CCDC146: variants seen among roughly 807,000 people sequenced by gnomAD.
CCDC146 encodes the protein coiled-coil domain containing 146.
A neutral mutation model predicts 119.3 loss-of-function variants in CCDC146; 92 were observed. The observed-to-expected ratio is 0.77, with a 90% confidence interval of 0.65 to 0.92. CCDC146 has a LOEUF of 0.92. Ranked by LOEUF, CCDC146 falls within the 40% of genes least tolerant of loss-of-function variation. CCDC146 has a pLI of 0.00. For synonymous variants in CCDC146, 372 were observed against 371.8 expected, an observed-to-expected ratio of 1.00 and a Z score of -0.01; for missense variants, 1,000 against 1,103.0, an observed-to-expected ratio of 0.91 and a Z score of 1.32.
intron 2 of CCDC146, among the ~76,000 whole-genome samples, chr7:77,233,069 A>C (rs932988476): frequency 1.3e-5 from 2 of 150,220 alleles, no homozygotes; most frequent in Non-Finnish European, 3.0e-5. Flanking sequence ...CAGTTAAATC[A>C]ATGCTTCTTT....
intron 1 of CCDC146, among the ~76,000 whole-genome samples, chr7:77,145,511 G>C (rs915282830): frequency 6.6e-6 from 1 of 150,856 alleles, no homozygotes; most frequent in Non-Finnish European, 1.5e-5. Context: ...TGTGATGTTA[G>C]GGTGTCAGTT....
intron 1 of CCDC146, 102 bp from the exon 2 acceptor site, chr7:77,167,556 A>G (rs1198666825): frequency 2.3e-6 from 2 of 882,832 alleles, no homozygotes; most frequent in African/African-American, 3.5e-5. Flanking sequence ...ATTGAACAAT[A>G]GCTTATTCCA....
intron 2 of CCDC146, chr7:77,199,512 T>C (rs1352255908): frequency 1.9e-6 from 3 of 1,614,160 alleles, no homozygotes; most frequent in Non-Finnish European, 2.5e-6. Context: ...CTTGGCAAGA[T>C]TTCTTTAGAC....
chr7:77,244,708 A>G (rs1792914745), intron 4 of CCDC146, among the ~76,000 whole-genome samples: 1 of 152,228 alleles, frequency 6.6e-6, no homozygotes, highest in Non-Finnish European at 1.5e-5. Context: ...GAAGTTGCCT[A>G]ACGACGCGTC....
At chr7:77,217,875 T>C (rs554183955) in intron 2 of CCDC146, among the ~76,000 whole-genome samples, 1 of 152,176 alleles carries the variant, frequency 6.6e-6, no homozygotes, top group African/African-American at 2.4e-5. Context: ...AGTAAAAATA[T>C]AATAGAAAAG....
Position 77,233,515 on chromosome 7 carries a change from C to A in CCDC146, c.157-3432C>A, listed in dbSNP as rs1011086575. ...TTACTTATTTGCTTTAAATCAGCAG[C>A]CCCCCAACCTTTTTGACACCAGGGA... On this transcript the variant is annotated intron_variant, in intron 2 of 18. Transcript: ENST00000285871. 0.038 allele frequency among the ~76,000 whole-genome samples: 38 copies of A among 998 alleles called. No individual in the cohort carries two copies. The African/African-American group carries it at 0.42, about 11-fold the overall frequency. The allele number at this position is 998 out of a possible 152,430, so 0.7% of individuals were successfully genotyped here.
At chr7:77,168,813 T>C (rs2117487546) in intron 2 of CCDC146, among the ~76,000 whole-genome samples, 1 of 152,242 alleles carries the variant, frequency 6.6e-6, no homozygotes, top group South Asian at 2.1e-4. Flanking sequence ...TCCTTTTTTT[T>C]CTATCTTCTT....
chr7:77,187,032 T>C (rs1009335064), intron 2 of CCDC146, among the ~76,000 whole-genome samples: 1 of 152,196 alleles, frequency 6.6e-6, no homozygotes, highest in Admixed American at 6.5e-5. Context: ...AGGTTACTGT[T>C]CATCCACAAG....
chr7:77,175,612 G>C lies in CCDC146; in HGVS notation c.156+7788G>C, dbSNP rs558854259. Among the ~76,000 whole-genome samples the C allele has an allele frequency of 4.0e-5, 6 of 151,434 alleles. 1 individual carries two copies. In the East Asian group the frequency reaches 1.2e-3, roughly 30 times the overall value. ...TACAAAATATGTAATAGCAGCATTT[G>C]TGTCCAAGTTTCAGTTGCATGTCAG... On this transcript the variant is annotated intron_variant, in intron 2 of 18. Transcript: ENST00000285871.
At chr7:77,270,691 A>C (rs953414950) in intron 9 of CCDC146, among the ~76,000 whole-genome samples, 2 of 152,186 alleles carry the variant, frequency 1.3e-5, no homozygotes, top group Non-Finnish European at 2.9e-5. Flanking sequence ...CTAAATAGGG[A>C]GTTGTTTTAC....
chr7:77,287,606 C>T (rs758448602), intron 17 of CCDC146, 29 bp downstream of exon 17: 7 of 1,603,858 alleles, frequency 4.4e-6, no homozygotes, highest in South Asian at 2.2e-5. Context: ...CTTTTCCCTT[C>T]TGCCCCTGCT....
At chr7:77,212,472 A>G (rs1334609754) in intron 2 of CCDC146, among the ~76,000 whole-genome samples, 1 of 151,686 alleles carries the variant, frequency 6.6e-6, no homozygotes, top group Non-Finnish European at 1.5e-5. Context: ...ATACAAAAAA[A>G]CAGCCGAGTG....
intron 15 of CCDC146, among the ~76,000 whole-genome samples, chr7:77,284,231 A>G (rs1793810608): frequency 6.6e-6 from 1 of 152,106 alleles, no homozygotes; most frequent in African/African-American, 2.4e-5. Context: ...CAGAAATGCA[A>G]AGCACTTCAA....
At chr7:77,251,354 C>T (rs1410830562) in intron 4 of CCDC146, among the ~76,000 whole-genome samples, 1 of 152,034 alleles carries the variant, frequency 6.6e-6, no homozygotes, top group Non-Finnish European at 1.5e-5. Flanking sequence ...CTTAGAATTT[C>T]CTTCTCTCTA....
At chr7:77,256,734 C>A (rs577081197) in intron 6 of CCDC146, among the ~76,000 whole-genome samples, 1 of 152,148 alleles carries the variant, frequency 6.6e-6, no homozygotes, top group South Asian at 2.1e-4. Flanking sequence ...CCTCACCCTG[C>A]GGAAAAGGTC....
At position 77,256,501 on chromosome 7, in the gene CCDC146, G is replaced by A. The variant is rs368986405; in HGVS notation, c.676G>A (p.Val226Ile). 76 of 1,600,730 alleles carry A rather than the reference G, an allele frequency of 4.7e-5. No individual in the cohort carries two copies. Among genetic ancestry groups the A allele is most frequent in the South Asian group, 1.6e-4 (14 of 87,748 alleles). Residue 226 changes from valine (V) to isoleucine (I), a missense_variant, in exon 6 of 19, where the codon GTC becomes ATC. Physicochemically the swap from Val to Ile is conservative, Grantham distance 29. Coordinates refer to ENST00000285871, the MANE Select transcript of CCDC146 (RefSeq NM_020879.3). ...ELEELLGHQV[V>I]LKDEVAHHQT... ...AGAAGAATTGTTGGGACATCAGGTCGTCCTAAAGGTGTGCTACTTACCGTT... is the reference window on the plus strand; with the variant it reads ...AGAAGAATTGTTGGGACATCAGGTCATCCTAAAGGTGTGCTACTTACCGTT...
In CCDC146 at chr7:77,293,212, C is replaced by A. The variant is rs1242375629; in HGVS notation, c.2664+12C>A. 6.2e-7 allele frequency: 1 copy of A among 1,612,546 alleles called. No homozygotes were observed. The highest frequency in any genetic ancestry group is 1.1e-5 in the South Asian group (1 of 90,966). ...CTGAAAAGTCTCAGGTAGGCTTTGG[C>A]TCCTGTATTGCATTTCTAAAGGGTG... On this transcript the variant is annotated intron_variant, in intron 18 of 18. Coordinates refer to ENST00000285871, the MANE Select transcript of CCDC146 (RefSeq NM_020879.3).
chr7:77,256,328 T>A lies in CCDC146; in HGVS notation c.508-5T>A, dbSNP rs779098233. On this transcript the variant is annotated splice_polypyrimidine_tract_variant and splice_region_variant and intron_variant, in intron 5 of 18. Transcript: ENST00000285871. ...ATAACCTAATCATCTTCACGACTTT[T>A]AAAGGAAATGGAGAAGAAGATGAAA... The A allele has an allele frequency of 6.3e-6, 10 of 1,583,292 alleles. No homozygotes were observed. In the East Asian group the frequency reaches 2.2e-4, roughly 36 times the overall value.
At chr7:77,239,577 G>A (rs1792805782) in intron 3 of CCDC146, among the ~76,000 whole-genome samples, 1 of 152,222 alleles carries the variant, frequency 6.6e-6, no homozygotes, top group East Asian at 1.9e-4. Flanking sequence ...TCAAGTCATT[G>A]GGCGTCTCTG....
Sources: gnomAD v4.1 joint callset for allele counts (sites outside exome capture counted in the v4.1 genomes callset) on GRCh38, gnomAD v4.1.1 for gene constraint, MANE v1.5 for transcripts, NCBI Gene and HGNC (gene_info 2026-07-23, HGNC 2026-07-21) for gene names.